Variants in CAMSAP2 observed in about 807,000 individuals in gnomAD.
CAMSAP2 encodes calmodulin-regulated spectrin-associated protein 2.
A neutral mutation model predicts 146.1 loss-of-function variants in CAMSAP2; 26 were observed. The observed-to-expected ratio is 0.18, with a 90% CI of 0.13 to 0.25. CAMSAP2 has a LOEUF of 0.25. Ranked by LOEUF, CAMSAP2 falls within the 10% of genes least tolerant of loss-of-function variation. CAMSAP2 has a pLI of 1.00. For missense variants in CAMSAP2, 1,381 were observed against 1,759.3 expected, an observed-to-expected ratio of 0.78 and a Z score of 3.85; for synonymous variants, 499 against 596.6, an observed-to-expected ratio of 0.84 and a Z score of 2.38.
chr1:200,795,418 A>ATCATCCATATTTGGAACGACTGC (rs1367638692), intron 2 of CAMSAP2, among the ~76,000 whole-genome samples: 9 of 152,270 alleles, frequency 5.9e-5, no homozygotes, highest in African/African-American at 2.2e-4. Flanking sequence ...CTTTTTGATG[A>ATCATCCATATTTGGAACGACTGC]TCATCCATAT....
intron 2 of CAMSAP2, among the ~76,000 whole-genome samples, chr1:200,765,420 G>C (rs1246605012): frequency 6.6e-6 from 1 of 151,930 alleles, no homozygotes; most frequent in Non-Finnish European, 1.5e-5. Context: ...TAGTAGAGAT[G>C]GGGTTTCACC....
At position 200,853,520 on chromosome 1, in the gene CAMSAP2, C is replaced by A; in HGVS notation, c.3823+25C>A. On this transcript the variant is annotated intron_variant, in intron 13 of 16. Transcript: ENST00000358823. The surrounding 1 kb of genome is among the most constrained non-coding windows in gnomAD (Gnocchi z 5.1). ...GGTAACATAGCTTATTATGAAGAGT[C>A]TGTTCATAAAAAACACCAGCTTGAT... 1 of 1,549,488 alleles carries A rather than the reference C, an allele frequency of 6.5e-7. No homozygotes were observed. Among genetic ancestry groups the A allele is most frequent in the South Asian group, 1.1e-5 (1 of 88,160 alleles).
intron 2 of CAMSAP2, among the ~76,000 whole-genome samples, chr1:200,799,372 A>T (rs1300536682): frequency 6.6e-6 from 1 of 151,904 alleles, no homozygotes; most frequent in Non-Finnish European, 1.5e-5. Flanking sequence ...CTGTTCAGGG[A>T]TTCGACTTCT....
At chr1:200,746,396 G>T (rs1474018719) in intron 1 of CAMSAP2, among the ~76,000 whole-genome samples, 1 of 152,114 alleles carries the variant, frequency 6.6e-6, no homozygotes, top group Non-Finnish European at 1.5e-5. Context: ...GAAGTGTTAA[G>T]ATTGATTCTA....
chr1:200,820,684 A>G (rs560458184), intron 4 of CAMSAP2, among the ~76,000 whole-genome samples: 14 of 152,300 alleles, frequency 9.2e-5, no homozygotes, highest in South Asian at 2.1e-4. Context: ...TGTTTCTTCA[A>G]ATAGTACTAT....
intron 1 of CAMSAP2, 65 bp downstream of exon 1, chr1:200,740,031 C>A: frequency 2.5e-6 from 4 of 1,569,000 alleles, no homozygotes; most frequent in Non-Finnish European, 2.6e-6. Flanking sequence ...GGTTTTTGTT[C>A]CCGATTCTCG....
In CAMSAP2 at chr1:200,806,765, G is replaced by GTGTGTATC. The variant is rs1396000266; in HGVS notation, c.400-610_400-609insGTGTATCT. Among the ~76,000 whole-genome samples, 275 of 140,210 alleles carry GTGTGTATC rather than the reference G, an allele frequency of 2.0e-3. 1 individual carries two copies. Among genetic ancestry groups the GTGTGTATC allele is most frequent in the East Asian group, 3.2e-3 (15 of 4,690 alleles). The allele number at this position is 140,210 out of a possible 152,430, so 92.0% of individuals were successfully genotyped here. On this transcript the variant is annotated intron_variant, in intron 2 of 16. Transcript: ENST00000358823. ...TAATTGTGTGTGTGTGTGTGTGTGT[G>GTGTGTATC]TATCTATCTATCTATCTATCTATCT...
intron 4 of CAMSAP2, among the ~76,000 whole-genome samples, chr1:200,825,342 G>A (rs1666877439): frequency 1.3e-5 from 2 of 151,886 alleles, no homozygotes; most frequent in Admixed American, 1.3e-4. Context: ...CTCCCTCCCA[G>A]CCCTTCTAAA....
intron 1 of CAMSAP2, 112 bp from the exon 2 acceptor site, chr1:200,760,727 A>G (rs1664776560): frequency 2.6e-6 from 2 of 764,708 alleles, no homozygotes; most frequent in South Asian, 2.5e-5. Flanking sequence ...GGTTATTGCT[A>G]TATTTTTAGA....
At chr1:200,814,618 AAAAAAAAAAAAAAAAAC>A (rs1220809047) in intron 3 of CAMSAP2, among the ~76,000 whole-genome samples, 1 of 134,128 alleles carries the variant, frequency 7.5e-6, no homozygotes, top group Non-Finnish European at 1.6e-5. Flanking sequence ...CCAAAAAAAA[AAAAAAAAAAAAAAAAAC>A]AAGAAGAAGA....
At chr1:200,843,508 G>C in intron 7 of CAMSAP2, among the ~76,000 whole-genome samples, 1 of 152,146 alleles carries the variant, frequency 6.6e-6, no homozygotes, top group East Asian at 1.9e-4. Context: ...GATATTCTTA[G>C]TAATTTTCAT....
Position 200,853,172 on chromosome 1 carries a change from T to C in CAMSAP2, c.3603-103T>C, listed in dbSNP as rs147367221. ...TAAATGAACCATTTATTCACCAAGG[T>C]GATGAAATAGAATTCTCCTTTCTCA... On this transcript the variant is annotated intron_variant, in intron 12 of 16. Transcript: ENST00000358823. The surrounding 1 kb of genome is among the most constrained non-coding windows in gnomAD (Gnocchi z 5.1). The C allele has an allele frequency of 4.4e-5, 43 of 986,230 alleles. No homozygotes were observed. Among genetic ancestry groups the C allele is most frequent in the Admixed American group, 1.1e-4 (5 of 43,926 alleles). The allele number at this position is 986,230 out of a possible 1,614,324, so 61.1% of individuals were successfully genotyped here. A position where few individuals can be genotyped will look rare whatever the true frequency, so the allele number is the denominator to read the frequency against.
intron 2 of CAMSAP2, among the ~76,000 whole-genome samples, chr1:200,785,388 CTTTTG>C (rs1665556507): frequency 7.0e-6 from 1 of 142,724 alleles, no homozygotes; most frequent in African/African-American, 2.5e-5. Flanking sequence ...CTTTTTTTTT[CTTTTG>C]TTTTTTTTTT....
At position 200,765,343 on chromosome 1, in the gene CAMSAP2, C is replaced by T. The variant is rs149715949; in HGVS notation, c.399+4245C>T. The stretch of plus-strand genomic sequence containing the variant: ...CTCCCAAGTTCAAGCAATTCTCCTG[C>T]CTCAGCCTCCCGAGTAGCTGGGTAA... On this transcript the variant is annotated intron_variant, in intron 2 of 16. Coordinates refer to ENST00000358823, the MANE Select transcript of CAMSAP2 (RefSeq NM_203459.4). Among the ~76,000 whole-genome samples the T allele has an allele frequency of 7.5e-3, 1,135 of 152,206 alleles. 12 individuals are homozygous for T. The highest frequency in any genetic ancestry group is 0.044 in the Middle Eastern group (13 of 294).
At chr1:200,771,053 C>T (rs929627852) in intron 2 of CAMSAP2, among the ~76,000 whole-genome samples, 4 of 151,694 alleles carry the variant, frequency 2.6e-5, no homozygotes, top group African/African-American at 9.7e-5. Flanking sequence ...GTATTGATTC[C>T]GGAAAGACTA....
chr1:200,742,258 T>C (rs1295212968), intron 1 of CAMSAP2, among the ~76,000 whole-genome samples: 2 of 152,224 alleles, frequency 1.3e-5, no homozygotes, highest in Non-Finnish European at 1.5e-5. Flanking sequence ...ATAGTACATA[T>C]TGAAGTCTAA....
chr1:200,821,072 T>G (rs1196911614), intron 4 of CAMSAP2, among the ~76,000 whole-genome samples: 1 of 152,152 alleles, frequency 6.6e-6, no homozygotes, highest in Non-Finnish European at 1.5e-5. Context: ...TTTAGTTAAC[T>G]GTGAAGACAT....
At chr1:200,805,030 G>T (rs1666135604) in intron 2 of CAMSAP2, among the ~76,000 whole-genome samples, 1 of 152,066 alleles carries the variant, frequency 6.6e-6, no homozygotes, top group Admixed American at 6.5e-5. Context: ...AGACTTTTGA[G>T]GATTATAGAA....
chr1:200,743,002 A>G (rs1470154760), intron 1 of CAMSAP2, among the ~76,000 whole-genome samples: 1 of 152,250 alleles, frequency 6.6e-6, no homozygotes, highest in African/African-American at 2.4e-5. Context: ...TTTGTGGAAG[A>G]TGCAGATACA....
Sources: allele counts gnomAD v4.1 joint callset (sites outside exome capture counted in the v4.1 genomes callset), GRCh38; gene constraint gnomAD v4.1.1; non-coding constraint Gnocchi (gnomAD v3.1); transcripts MANE v1.5; gene names NCBI Gene and HGNC (gene_info 2026-07-23, HGNC 2026-07-21).